TASP1: variants seen among roughly 807,000 people sequenced by gnomAD.
TASP1 encodes taspase 1, also known as threonine aspartase 1.
A neutral mutation model predicts 56.6 loss-of-function variants in TASP1; 16 were observed. The observed-to-expected ratio is 0.28, with a 90% CI of 0.19 to 0.43. The LOEUF (loss-of-function observed/expected upper bound fraction) is 0.43. TASP1 is among the 20% of genes least tolerant of loss of function. The pLI is 1.00. For synonymous variants in TASP1, 179 were observed against 184.2 expected, an observed-to-expected ratio of 0.97 and a Z score of 0.23; for missense variants, 393 against 511.6, an observed-to-expected ratio of 0.77 and a Z score of 2.24.
At chr20:13,180,971 G>A in the TASP1 span, among the ~76,000 whole-genome samples, 12 of 152,202 alleles carry the variant, frequency 7.9e-5, no homozygotes, top group African/African-American at 2.4e-4. Flanking sequence ...TTCTCTGCAT[G>A]CTGGTGTCTT....
intron 13 of TASP1, chr20:13,393,720 A>G: frequency 1.1e-6 from 1 of 920,960 alleles, no homozygotes; most frequent in Non-Finnish European, 1.7e-6. Context: ...AGGAAGAGAG[A>G]GGCCCTCAGC....
At chr20:13,513,486 T>C (rs570014478) in intron 10 of TASP1, among the ~76,000 whole-genome samples, 2 of 152,052 alleles carry the variant, frequency 1.3e-5, no homozygotes, top group Admixed American at 1.3e-4. Context: ...AAAGAGAAGA[T>C]ATTTAGCTCA....
chr20:13,445,503 T>C (rs981220048), intron 11 of TASP1, among the ~76,000 whole-genome samples: 2 of 152,098 alleles, frequency 1.3e-5, no homozygotes, highest in African/African-American at 4.8e-5. Context: ...CACAAACCCA[T>C]CATCCAGCAA....
the TASP1 span, among the ~76,000 whole-genome samples, chr20:13,182,181 C>T: frequency 6.6e-6 from 1 of 152,098 alleles, no homozygotes; most frequent in South Asian, 2.1e-4. Flanking sequence ...TAAAATATTC[C>T]GTCTTTCCTT....
the TASP1 span, among the ~76,000 whole-genome samples, chr20:13,190,760 G>A: frequency 5.9e-5 from 9 of 152,044 alleles, no homozygotes; most frequent in East Asian, 1.9e-4. Context: ...AAAAACTTCC[G>A]CATGGCAAAG....
chr20:13,122,372 T>G, the TASP1 span, among the ~76,000 whole-genome samples: 1 of 152,132 alleles, frequency 6.6e-6, no homozygotes, highest in Non-Finnish European at 1.5e-5. Context: ...AGAGGAACAG[T>G]CTCTGGGTTA....
chr20:13,313,173 C>T, the TASP1 span, among the ~76,000 whole-genome samples: 1 of 152,166 alleles, frequency 6.6e-6, no homozygotes, highest in Non-Finnish European at 1.5e-5. Context: ...AAACTAATTG[C>T]AGATTATTAG....
chr20:13,507,217 A>G (rs898541221), intron 10 of TASP1, among the ~76,000 whole-genome samples: 9 of 152,148 alleles, frequency 5.9e-5, no homozygotes, highest in African/African-American at 1.9e-4. Flanking sequence ...CTAAGAAGAT[A>G]AAAGACCTGT....
intron 6 of TASP1, among the ~76,000 whole-genome samples, chr20:13,575,137 C>T (rs2046852585): frequency 6.6e-6 from 1 of 152,090 alleles, no homozygotes; most frequent in Non-Finnish European, 1.5e-5. Context: ...TAGAATTTAT[C>T]CCAGGAATGC....
chr20:13,252,160 C>A, the TASP1 span, among the ~76,000 whole-genome samples: 20 of 152,254 alleles, frequency 1.3e-4, no homozygotes, highest in Non-Finnish European at 2.6e-4. Flanking sequence ...ATCCCTCAGG[C>A]CTCTTTTCTG....
At chr20:13,393,488 C>A in intron 13 of TASP1, 1 of 781,426 alleles carries the variant, frequency 1.3e-6, no homozygotes, top group Non-Finnish European at 2.3e-6. Context: ...CCCTCAAGGG[C>A]ATCCTGGACT....
chr20:13,144,742 G>A, the TASP1 span, among the ~76,000 whole-genome samples: 1 of 144,052 alleles, frequency 6.9e-6, no homozygotes, highest in African/African-American at 2.6e-5. Context: ...GTCTGCAGAG[G>A]GAGGTCTACT....
intron 13 of TASP1, among the ~76,000 whole-genome samples, chr20:13,414,587 T>G (rs967128461): frequency 6.6e-6 from 1 of 152,166 alleles, no homozygotes; most frequent in South Asian, 2.1e-4. Context: ...GCTGAATAAG[T>G]TCCATGCCAG....
the TASP1 span, among the ~76,000 whole-genome samples, chr20:13,183,800 T>C: frequency 1.3e-5 from 2 of 151,810 alleles, no homozygotes; most frequent in South Asian, 2.1e-4. Context: ...GAGGCTGAGG[T>C]GGGCGGATCA....
intron 11 of TASP1, among the ~76,000 whole-genome samples, chr20:13,469,404 T>C (rs1355878526): frequency 6.6e-6 from 1 of 152,300 alleles, no homozygotes; most frequent in South Asian, 2.1e-4. Flanking sequence ...AACTTCCATT[T>C]TGAGAGCCCA....
At chr20:13,502,490 T>A (rs921536206) in intron 10 of TASP1, among the ~76,000 whole-genome samples, 1 of 152,148 alleles carries the variant, frequency 6.6e-6, no homozygotes, top group East Asian at 1.9e-4. Flanking sequence ...ACCATAGACC[T>A]ATAGGTCAAT....
At chr20:13,150,903 T>C in the TASP1 span, among the ~76,000 whole-genome samples, 1 of 152,216 alleles carries the variant, frequency 6.6e-6, no homozygotes, top group Non-Finnish European at 1.5e-5. Flanking sequence ...TCATTCATCA[T>C]TTATTGATTT....
At chr20:13,421,598 C>CTTTTTTTTTTTTTTTTTTTTTTTTT (rs1332836180) in intron 12 of TASP1, among the ~76,000 whole-genome samples, 1 of 152,100 alleles carries the variant, frequency 6.6e-6, no homozygotes, top group Admixed American at 6.5e-5. Context: ...AGATAATTTA[C>CTTTTTTTTTTTTTTTTTTTTTTTTT]ATTACTCATA....
intron 13 of TASP1, among the ~76,000 whole-genome samples, chr20:13,390,721 C>T (rs899952189): frequency 6.6e-6 from 1 of 152,128 alleles, no homozygotes; most frequent in African/African-American, 2.4e-5. Context: ...TAGCCAAGAC[C>T]CCTGACCGCA....
Sources: allele counts gnomAD v4.1 joint callset (sites outside exome capture counted in the v4.1 genomes callset), GRCh38; gene constraint gnomAD v4.1.1; transcripts MANE v1.5; gene names NCBI Gene and HGNC (gene_info 2026-07-23, HGNC 2026-07-21).